CHRM4: variants seen among roughly 807,000 people sequenced by gnomAD.
The protein encoded by CHRM4 is cholinergic receptor muscarinic 4, also known as muscarinic acetylcholine receptor M4.
Under a neutral mutation model 26.3 loss-of-function variants are expected in CHRM4, and 5 were observed. The observed-to-expected ratio is 0.19, with a 90% CI of 0.10 to 0.40. The LOEUF (loss-of-function observed/expected upper bound fraction) is 0.40, where lower values mean the gene tolerates loss of function less well. Among genes scored for constraint, CHRM4 ranks in the 10% least tolerant of loss-of-function variants. The pLI, the probability that CHRM4 is intolerant of heterozygous loss-of-function variation, is 1.00. For missense variants in CHRM4, 402 were observed against 664.5 expected (o/e 0.60, Z 4.34); for synonymous variants, 290 against 285.3 (o/e 1.02, Z -0.16).
intron 1 of CHRM4, among the ~76,000 whole-genome samples, chr11:46,388,133 A>T (rs1322129052): frequency 2.6e-5 from 4 of 152,102 alleles, no homozygotes; most frequent in African/African-American, 9.7e-5. Flanking sequence ...CACACCCGCC[A>T]ACACACACAC....
In CHRM4 at chr11:46,385,058, C is replaced by T. The variant is rs202047360; in HGVS notation, c.*60G>A. ...CAACTCTTCCCCACAGCAAGTGAGC[C>T]GTGTGGTCCCCCCAGCACACGCACG... On this transcript the variant is annotated 3_prime_UTR_variant, in exon 2 of 2. Transcript: ENST00000682254. The surrounding 1 kb of genome is among the most constrained non-coding windows in gnomAD (Gnocchi z 6.3). 1.3e-5 allele frequency: 19 copies of T among 1,495,782 alleles called. No individual in the cohort carries two copies. Among genetic ancestry groups the T allele is most frequent in the East Asian group, 7.4e-5 (3 of 40,756 alleles). 92.7% of individuals were successfully genotyped at this position (1,495,782 alleles called of 1,614,324 possible).
Position 46,384,588 on chromosome 11 carries a change from G to A in CHRM4, c.*530C>T, listed in dbSNP as rs186123937. Among the ~76,000 whole-genome samples the A allele has an allele frequency of 9.7e-4, 147 of 152,314 alleles. No individual in the cohort carries two copies. Among genetic ancestry groups the A allele is most frequent in the African/African-American group, 3.3e-3 (139 of 41,572 alleles). On this transcript the variant is annotated 3_prime_UTR_variant, in exon 2 of 2. Coordinates refer to ENST00000682254, the MANE Select transcript of CHRM4 (RefSeq NM_000741.5). Reference sequence around the variant, plus strand: ...CTCCATCATACCCACCCAGAACCTGGCTAAGTAGCTGCAGCCAGAGGAGAT... The same window carrying A: ...CTCCATCATACCCACCCAGAACCTGACTAAGTAGCTGCAGCCAGAGGAGAT...
chr11:46,389,645 A>T (rs1234369631), intron 1 of CHRM4, among the ~76,000 whole-genome samples: 1 of 152,102 alleles, frequency 6.6e-6, no homozygotes. Flanking sequence ...CCCAACTCCA[A>T]TGCGACTGCG....
chr11:46,387,865 C>T (rs1945356520), intron 1 of CHRM4, among the ~76,000 whole-genome samples: 1 of 152,150 alleles, frequency 6.6e-6, no homozygotes, highest in African/African-American at 2.4e-5. Context: ...ACCCTGAGGC[C>T]CAACTGGGGA....
In CHRM4 at chr11:46,386,546, G is replaced by A; in HGVS notation, c.12C>T (p.Phe4=). The change falls in exon 2 of 2, where the codon TTC becomes TTT. Residue 4 remains phenylalanine (F), a synonymous_variant. Coordinates refer to ENST00000682254, the MANE Select transcript of CHRM4 (RefSeq NM_000741.5). The surrounding 1 kb of genome is among the most constrained non-coding windows in gnomAD (Gnocchi z 5.8). ...TGCCCGAGCTGCCATTGACAGGTGT[G>A]AAGTTGGCCATGTTGGTTGCCAGGG... The part of the protein sequence containing the change: MAN[F]TPVNGSSGNQ... The A allele has an allele frequency of 6.2e-7, 1 of 1,609,088 alleles. No homozygotes were observed.
At position 46,384,482 on chromosome 11, in the gene CHRM4, C is replaced by T. The variant is rs1466878204; in HGVS notation, c.*636G>A. ...GATCGCAGAAGGCCAGACCTCAGTT[C>T]CTGAGACAGAACCTCTGACCTCCCA... On this transcript the variant is annotated 3_prime_UTR_variant, in exon 2 of 2. Coordinates refer to ENST00000682254, the MANE Select transcript of CHRM4 (RefSeq NM_000741.5). Among the ~76,000 whole-genome samples the T allele has an allele frequency of 6.6e-6, 1 of 152,218 alleles. No individual in the cohort carries two copies. Among genetic ancestry groups the T allele is most frequent in the Non-Finnish European group, 1.5e-5 (1 of 68,038 alleles).
rs2136555584 is a variant in CHRM4, at chr11:46,391,502, G to T, written c.-30+29C>A. Reference sequence around the variant, plus strand: ...CCGGCCCGCGCTCGCCCCGGAGGGGGTCTGGCGCCCTGTCCCAGTCGAACC... The same window carrying T: ...CCGGCCCGCGCTCGCCCCGGAGGGGTTCTGGCGCCCTGTCCCAGTCGAACC... On this transcript the variant is annotated intron_variant, in intron 1 of 1. Transcript: ENST00000682254. This position sits in a 1 kb window ranked among gnomAD's most constrained non-coding sequence, Gnocchi z 6.3. Among the ~76,000 whole-genome samples, 1 of 152,066 alleles carries T rather than the reference G, an allele frequency of 6.6e-6. No homozygotes were observed. The highest frequency in any genetic ancestry group is 1.9e-4 in the East Asian group (1 of 5,170).
At position 46,386,276 on chromosome 11, in the gene CHRM4, G is replaced by A. The variant is rs1311092624; in HGVS notation, c.282C>T (p.Ile94=). The change falls in exon 2 of 2, where the codon ATC becomes ATT. Residue 94 remains isoleucine, a synonymous_variant. Coordinates refer to ENST00000682254, the MANE Select transcript of CHRM4 (RefSeq NM_000741.5). The surrounding 1 kb of genome is among the most constrained non-coding windows in gnomAD (Gnocchi z 5.8). The part of the protein sequence containing the change: ...FSMNLYTVYI[I]KGYWPLGAVV... ...CGGCGCCCAGGGGCCAGTAGCCCTT[G>A]ATGATGTACACGGTGTAGAGGTTCA... The A allele has an allele frequency of 1.2e-6, 2 of 1,613,936 alleles. No individual in the cohort carries two copies. Among genetic ancestry groups the A allele is most frequent in the East Asian group, 2.2e-5 (1 of 44,876 alleles).
Position 46,385,139 on chromosome 11 carries a change from C to T in CHRM4, c.1419G>A (p.Arg473=), listed in dbSNP as rs1047515780. ...CTGCCTACCTGGCAGTGCCGATGTTCCGATACTGGCACAGCAGCAGGTGCC... is the reference window on the plus strand; with the variant it reads ...CTGCCTACCTGGCAGTGCCGATGTTTCGATACTGGCACAGCAGCAGGTGCC... ...TFRHLLLCQY[R]NIGTAR is the part of the protein sequence containing the mutation. The change falls in exon 2 of 2, where the codon CGG becomes CGA. Residue 473 remains arginine (R), a synonymous_variant. Coordinates refer to ENST00000682254, the MANE Select transcript of CHRM4 (RefSeq NM_000741.5). This position sits in a 1 kb window ranked among gnomAD's most constrained non-coding sequence, Gnocchi z 6.3. 1.2e-6 allele frequency: 2 copies of T among 1,610,800 alleles called. No homozygotes were observed. Among genetic ancestry groups the T allele is most frequent in the East Asian group, 2.2e-5 (1 of 44,794 alleles).
chr11:46,390,129 C>T (rs1395142875), intron 1 of CHRM4, among the ~76,000 whole-genome samples: 1 of 152,114 alleles, frequency 6.6e-6, no homozygotes, highest in Non-Finnish European at 1.5e-5. Context: ...CTGCCGGAGA[C>T]TCAGCCAGAC....
intron 1 of CHRM4, among the ~76,000 whole-genome samples, chr11:46,388,704 G>A (rs1251286972): frequency 6.6e-6 from 1 of 152,198 alleles, no homozygotes; most frequent in African/African-American, 2.4e-5. Flanking sequence ...TGAAATAGAA[G>A]CTCAGGTGTC....
Position 46,387,930 on chromosome 11 carries a change from T to A in CHRM4, c.-29-1344A>T, listed in dbSNP as rs80173199. ...GAAGAGAAGGGCTGCCAGGGCCGCCTCTCCCCTCCACAGTCCACTCCGCAC... is the reference window on the plus strand; with the variant it reads ...GAAGAGAAGGGCTGCCAGGGCCGCCACTCCCCTCCACAGTCCACTCCGCAC... On this transcript the variant is annotated intron_variant, in intron 1 of 1. Coordinates refer to ENST00000682254, the MANE Select transcript of CHRM4 (RefSeq NM_000741.5). Among the ~76,000 whole-genome samples the A allele has an allele frequency of 6.8e-3, 1,041 of 152,190 alleles. 42 individuals are homozygous for A. In the South Asian group the frequency reaches 0.092, roughly 13 times the overall value.
chr11:46,390,282 C>G (rs1272790317), intron 1 of CHRM4, among the ~76,000 whole-genome samples: 1 of 152,160 alleles, frequency 6.6e-6, no homozygotes, highest in Non-Finnish European at 1.5e-5. Context: ...CTTTGGGACG[C>G]CGTCTTAGCC....
chr11:46,385,168 A>C lies in CHRM4; in HGVS notation c.1390T>G (p.Phe464Val). 1 of 1,613,640 alleles carries C rather than the reference A, an allele frequency of 6.2e-7. No homozygotes were observed. The highest frequency in any genetic ancestry group is 8.5e-7 in the Non-Finnish European group (1 of 1,179,654). Residue 464 changes from phenylalanine to valine, a missense_variant, in exon 2 of 2, where the codon TTC becomes GTC. Coordinates refer to ENST00000682254, the MANE Select transcript of CHRM4 (RefSeq NM_000741.5). The surrounding 1 kb of genome is among the most constrained non-coding windows in gnomAD (Gnocchi z 6.3). ...TACTGGCACAGCAGCAGGTGCCGGAAGGTCTTTTTAAAGGTGGCGTTGCAC... is the reference window on the plus strand; with the variant it reads ...TACTGGCACAGCAGCAGGTGCCGGACGGTCTTTTTAAAGGTGGCGTTGCAC... The part of the protein sequence containing the change: ...ALCNATFKKT[F>V]RHLLLCQYRN...
At position 46,385,536 on chromosome 11, in the gene CHRM4, T is replaced by C. The variant is rs745430456; in HGVS notation, c.1022A>G (p.Lys341Arg). Residue 341 changes from lysine to arginine, a missense_variant, in exon 2 of 2, where the codon AAG becomes AGG. Coordinates refer to ENST00000682254, the MANE Select transcript of CHRM4 (RefSeq NM_000741.5). This position sits in a 1 kb window ranked among gnomAD's most constrained non-coding sequence, Gnocchi z 6.3. The stretch of plus-strand genomic sequence containing the variant: ...TGTCTGCTTCGTCACAATCTGGATC[T>C]TGGACCATCTGGAGGCTGGGTTGAG... ...RALNPASRWS[K>R]IQIVTKQTGN... The C allele has an allele frequency of 5.7e-6, 9 of 1,578,432 alleles. No homozygotes were observed. Among genetic ancestry groups the C allele is most frequent in the Admixed American group, 5.1e-5 (3 of 58,518 alleles).
chr11:46,384,468 G>T lies in CHRM4; in HGVS notation c.*650C>A, dbSNP rs916467847. 6.6e-6 allele frequency among the ~76,000 whole-genome samples: 1 copy of T among 152,230 alleles called. No individual in the cohort carries two copies. Among genetic ancestry groups the T allele is most frequent in the Non-Finnish European group, 1.5e-5 (1 of 68,040 alleles). On this transcript the variant is annotated 3_prime_UTR_variant, in exon 2 of 2. Coordinates refer to ENST00000682254, the MANE Select transcript of CHRM4 (RefSeq NM_000741.5). ...ACGGCTCAGCCTGGGATCGCAGAAG[G>T]CCAGACCTCAGTTCCTGAGACAGAA...
rs1440091580 is a variant in CHRM4, at chr11:46,391,689, G to T, written c.-188C>A. On this transcript the variant is annotated 5_prime_UTR_variant, in exon 1 of 2. Transcript: ENST00000682254. This position sits in a 1 kb window ranked among gnomAD's most constrained non-coding sequence, Gnocchi z 6.3. ...CGGACGCGCGGCCCCGCGGGCCGGC[G>T]GGGCGGGCGGCCGGGCCGAGGGCCG... Among the ~76,000 whole-genome samples, 3 of 149,030 alleles carry T rather than the reference G, an allele frequency of 2.0e-5. No individual in the cohort carries two copies. Among genetic ancestry groups the T allele is most frequent in the South Asian group, 4.2e-4 (2 of 4,818 alleles).
chr11:46,385,662 C>A lies in CHRM4; in HGVS notation c.896G>T (p.Gly299Val). The A allele has an allele frequency of 6.5e-7, 1 of 1,536,070 alleles. No homozygotes were observed. The highest frequency in any genetic ancestry group is 8.7e-7 in the Non-Finnish European group (1 of 1,143,170). ...DKDTSNESSSGSATQNTKERP... is the reference protein window; with the variant it reads ...DKDTSNESSSVSATQNTKERP... ...TTCCTTGGTGTTCTGGGTGGCACTGCCTGAGCTGGACTCATTGGAAGTGTC... is the reference window on the plus strand; with the variant it reads ...TTCCTTGGTGTTCTGGGTGGCACTGACTGAGCTGGACTCATTGGAAGTGTC... Residue 299 changes from glycine (G) to valine (V), a missense_variant, in exon 2 of 2, where the codon GGC (glycine) becomes GTC (valine). Gly to Val is a moderately radical substitution (Grantham distance 109). Transcript: ENST00000682254. The surrounding 1 kb of genome is among the most constrained non-coding windows in gnomAD (Gnocchi z 6.3).
Position 46,385,256 on chromosome 11 carries a change from C to T in CHRM4, c.1302G>A (p.Val434=), listed in dbSNP as rs751278413. The T allele has an allele frequency of 1.9e-6, 3 of 1,613,988 alleles. No homozygotes were observed. In the African/African-American group the frequency reaches 4.0e-5, roughly 22 times the overall value. Residue 434 remains valine (V), a synonymous_variant, in exon 2 of 2, where the codon GTG becomes GTA. Transcript: ENST00000682254. The surrounding 1 kb of genome is among the most constrained non-coding windows in gnomAD (Gnocchi z 6.3). ...AGCAGAGCCAGTAGCCAATGGACCA[C>T]ACCGTGTCAGGGATGCAGCTCTGGC... The part of the protein sequence containing the change: ...TFCQSCIPDT[V]WSIGYWLCYV...
Sources: allele counts gnomAD v4.1 joint callset (sites outside exome capture counted in the v4.1 genomes callset), GRCh38; gene constraint gnomAD v4.1.1; non-coding constraint Gnocchi (gnomAD v3.1); transcripts MANE v1.5; gene names NCBI Gene and HGNC (gene_info 2026-07-23, HGNC 2026-07-21).